Variants in TEX26 observed in about 807,000 individuals in gnomAD.
TEX26 encodes testis expressed 26.
Under a neutral mutation model 35.3 loss-of-function variants are expected in TEX26, and 34 were observed. That is an observed-to-expected ratio of 0.96 (90% CI 0.73 to 1.28). The LOEUF (loss-of-function observed/expected upper bound fraction) is 1.28, where lower values mean the gene tolerates loss of function less well. TEX26 is among the 50% of genes most tolerant of loss of function. The pLI is 0.00. For missense variants in TEX26, 371 were observed against 330.1 expected (o/e 1.12, Z -0.96); for synonymous variants, 136 against 111.8 (o/e 1.22, Z -1.36).
At chr13:30,955,394 C>T (rs7990260) in intron 3 of TEX26, among the ~76,000 whole-genome samples, 14,352 of 152,204 alleles carry the variant, frequency 0.094, 795 homozygotes, top group Admixed American at 0.12. Context: ...CAACAAAATC[C>T]AGACTTTGGG....
rs1407949602 is a variant in TEX26, at chr13:30,952,678, A to T, written c.165A>T (p.Arg55Ser). 3.1e-6 allele frequency: 5 copies of T among 1,594,320 alleles called. No individual in the cohort carries two copies. Among genetic ancestry groups the T allele is most frequent in the Non-Finnish European group, 4.3e-6 (5 of 1,173,558 alleles). ...TTTATAGCCAAAACGGTATCAGAAG[A>T]TTAGGATATACATATTCACTTAGTG... ...PALIRQNGIR[R>S]LGYTYSLSDP... The change falls in exon 3 of 7, where the codon AGA (arginine) becomes AGT (serine). Residue 55 changes from arginine to serine, a missense_variant. Arg to Ser is a moderately radical substitution (Grantham distance 110, BLOSUM62 -1). Coordinates refer to ENST00000380473, the MANE Select transcript of TEX26 (RefSeq NM_152325.3).
chr13:30,940,186 T>TAGTCTTGG (rs1953425678), intron 2 of TEX26, among the ~76,000 whole-genome samples: 1 of 152,034 alleles, frequency 6.6e-6, no homozygotes, highest in African/African-American at 2.4e-5. Flanking sequence ...TCACCAAGAC[T>TAGTCTTGG]AGTCTTGGAA....
intron 4 of TEX26, among the ~76,000 whole-genome samples, chr13:30,964,521 T>C (rs1170297772): frequency 6.6e-6 from 1 of 152,230 alleles, no homozygotes; most frequent in Admixed American, 6.5e-5. Flanking sequence ...GAATGGTAGC[T>C]CTAGGGAAGA....
rs756568820 is a variant in TEX26 at position 30,952,676 on chromosome 13, A to T, written c.163A>T (p.Arg55Ter). The T allele has an allele frequency of 6.3e-7, 1 of 1,588,378 alleles. No homozygotes were observed. Residue 55 changes from arginine (R) to a stop codon, truncating the protein, a stop_gained, in exon 3 of 7, where the codon AGA (arginine) becomes TGA (stop). Coordinates refer to ENST00000380473, the MANE Select transcript of TEX26 (RefSeq NM_152325.3). LOFTEE classifies it high-confidence loss of function. ...TTTTTATAGCCAAAACGGTATCAGA[A>T]GATTAGGATATACATATTCACTTAG... Reference protein sequence around the residue: ...PALIRQNGIRRLGYTYSLSDP... With the variant: ...PALIRQNGIR
chr13:30,948,922 G>T (rs1020482824), intron 2 of TEX26, among the ~76,000 whole-genome samples: 4 of 152,140 alleles, frequency 2.6e-5, no homozygotes, highest in Admixed American at 2.6e-4. Context: ...TTTGTATAAG[G>T]TGTAAGGAAG....
intron 6 of TEX26, chr13:30,973,216 T>G (rs1593620040): frequency 6.6e-6 from 1 of 152,236 alleles, no homozygotes; most frequent in East Asian, 1.9e-4. Flanking sequence ...AATTAGTTAT[T>G]GATATATAGA....
rs869246492 is a variant in TEX26, at chr13:30,940,322, C to CTTTTTTTTTTTT, written c.146+562_146+573dup. On this transcript the variant is annotated intron_variant, in intron 2 of 6. Transcript: ENST00000380473. ...GTGGGAGTTTCTAAACATCAGCTGC[C>CTTTTTTTTTTTT]TTTTTTTTTTTTTTTTTTTTTTTTT... Among the ~76,000 whole-genome samples the CTTTTTTTTTTTT allele has an allele frequency of 1.1e-3, 57 of 52,076 alleles. 13 individuals carry two copies. The highest frequency in any genetic ancestry group is 2.6e-3 in the East Asian group (4 of 1,514). The allele number at this position is 52,076 out of a possible 152,430, so 34.2% of individuals were successfully genotyped here.
intron 3 of TEX26, 40 bp from the exon 4 acceptor site, chr13:30,956,833 C>G: frequency 6.4e-7 from 1 of 1,572,820 alleles, no homozygotes; most frequent in Non-Finnish European, 8.7e-7. Context: ...ATTGGGTGAA[C>G]CCATATGGAT....
chr13:30,956,166 TCC>T (rs1314194783), intron 3 of TEX26, among the ~76,000 whole-genome samples: 1 of 52,820 alleles, frequency 1.9e-5, no homozygotes, highest in Admixed American at 2.6e-4. Context: ...CCCTCCCCCC[TCC>T]CCCCACCCCA....
intron 4 of TEX26, among the ~76,000 whole-genome samples, chr13:30,963,012 T>C (rs1954403512): frequency 6.6e-6 from 1 of 151,474 alleles, no homozygotes; most frequent in African/African-American, 2.4e-5. Flanking sequence ...GTATTTTTAG[T>C]AGGGACGGGG....
intron 4 of TEX26, among the ~76,000 whole-genome samples, chr13:30,958,300 C>T (rs971910497): frequency 1.3e-5 from 2 of 152,322 alleles, no homozygotes; most frequent in East Asian, 3.9e-4. Flanking sequence ...TGCTTATCAG[C>T]AGGAAATTTA....
rs376300171 is a variant in TEX26 at position 30,952,806 on chromosome 13, A to C, written c.293A>C (p.His98Pro). ...KTETSRGIKS[H>P]KSHLNEDIFL... ...GAGACTTCAAGAGGAATCAAGAGCC[A>C]CAAATCTCATCTCAATGAAGTAAGA... The change falls in exon 3 of 7, where the codon CAC (histidine) becomes CCC (proline). Residue 98 changes from histidine to proline, a missense_variant. Coordinates refer to ENST00000380473, the MANE Select transcript of TEX26 (RefSeq NM_152325.3). 1.9e-6 allele frequency: 3 copies of C among 1,612,894 alleles called. No homozygotes were observed. The African/African-American group carries it at 4.0e-5, about 22-fold the overall frequency.
chr13:30,943,889 A>ATGTTCATC (rs1187121047), intron 2 of TEX26, among the ~76,000 whole-genome samples: 1 of 151,962 alleles, frequency 6.6e-6, no homozygotes, highest in Non-Finnish European at 1.5e-5. Context: ...TTTTGTATCA[A>ATGTTCATC]TGTTCATCAG....
chr13:30,960,126 T>C (rs1423162628), intron 4 of TEX26, among the ~76,000 whole-genome samples: 1 of 152,236 alleles, frequency 6.6e-6, no homozygotes, highest in Non-Finnish European at 1.5e-5. Flanking sequence ...ACACACCCTT[T>C]CTTAGGAAGC....
In TEX26 at chr13:30,974,131, A is replaced by AAAAATATATATATAT; in HGVS notation, c.809-714_809-713insAAATATATATATATA. 2.3e-3 allele frequency among the ~76,000 whole-genome samples: 190 copies of AAAAATATATATATAT among 84,374 alleles called. 2 individuals carry two copies. Among genetic ancestry groups the AAAAATATATATATAT allele is most frequent in the East Asian group, 0.012 (39 of 3,182 alleles). 55.4% of individuals were successfully genotyped at this position (84,374 alleles called of 152,430 possible). On this transcript the variant is annotated intron_variant, in intron 6 of 6. Transcript: ENST00000380473. ...GTGAGCCTCCATCTAAAAAAAAAAA[A>AAAAATATATATATAT]ATATATATATATATATATATATATA...
intron 2 of TEX26, among the ~76,000 whole-genome samples, chr13:30,949,718 A>G (rs1953850028): frequency 6.6e-6 from 1 of 152,076 alleles, no homozygotes; most frequent in South Asian, 2.1e-4. Flanking sequence ...GAAGAGTATA[A>G]TAAAAAGCAT....
At chr13:30,962,694 G>T (rs935489504) in intron 4 of TEX26, among the ~76,000 whole-genome samples, 1 of 152,246 alleles carries the variant, frequency 6.6e-6, no homozygotes, top group Non-Finnish European at 1.5e-5. Flanking sequence ...ACTGAAATGT[G>T]CTGCTTTTCA....
chr13:30,932,692 C>T lies in TEX26; in HGVS notation c.-24C>T, dbSNP rs1403141493. On this transcript the variant is annotated 5_prime_UTR_variant, in exon 1 of 7. Coordinates refer to ENST00000380473, the MANE Select transcript of TEX26 (RefSeq NM_152325.3). ...GCGCTGAGATAGCTGGAGCCAGGGC[C>T]CCGCGGCCGCCTCCTGGGGCAGAAT... 3 of 1,609,780 alleles carry T rather than the reference C, an allele frequency of 1.9e-6. No individual in the cohort carries two copies. Among genetic ancestry groups the T allele is most frequent in the Middle Eastern group, 1.7e-4 (1 of 6,054 alleles).
At chr13:30,952,194 C>G (rs1953953552) in intron 2 of TEX26, among the ~76,000 whole-genome samples, 1 of 151,848 alleles carries the variant, frequency 6.6e-6, no homozygotes, top group Non-Finnish European at 1.5e-5. Flanking sequence ...TTCATAGTGT[C>G]TGGTGGTCCT....
Sources: gnomAD v4.1 joint callset for allele counts (sites outside exome capture counted in the v4.1 genomes callset) on GRCh38, gnomAD v4.1.1 for gene constraint, MANE v1.5 for transcripts, NCBI Gene and HGNC (gene_info 2026-07-23, HGNC 2026-07-21) for gene names.